The following SPECC1 variants were observed in gnomAD, a reference collection of about 807,000 sequenced individuals.
SPECC1 encodes the protein cytospin-B.
In SPECC1, 62 loss-of-function variants were observed where a neutral mutation model predicts 104.1. That is an observed-to-expected ratio of 0.60 (90% CI 0.49 to 0.74). SPECC1 has a LOEUF of 0.74. Among genes scored for constraint, SPECC1 ranks in the 30% least tolerant of loss-of-function variants. The pLI, the probability that SPECC1 is intolerant of heterozygous loss-of-function variation, is 0.00. For missense variants in SPECC1, 1,306 were observed against 1,310.5 expected, an observed-to-expected ratio of 1.00 and a Z score of 0.05; for synonymous variants, 513 against 501.6, an observed-to-expected ratio of 1.02 and a Z score of -0.30.
At chr17:20,024,988 T>G (rs991992528) in intron 1 of SPECC1, among the ~76,000 whole-genome samples, 1 of 152,252 alleles carries the variant, frequency 6.6e-6, no homozygotes, top group Non-Finnish European at 1.5e-5. Flanking sequence ...ACCCTACTTC[T>G]GTGTGTTCAC....
intron 11 of SPECC1, 34 bp from the exon 12 acceptor site, chr17:20,260,158 C>A (rs373397686): frequency 6.4e-7 from 1 of 1,552,462 alleles, no homozygotes; most frequent in African/African-American, 1.4e-5. Context: ...GTATTAGCAT[C>A]TTCTCCTTAC....
intron 3 of SPECC1, among the ~76,000 whole-genome samples, chr17:20,182,245 C>G (rs1247021476): frequency 6.6e-6 from 1 of 151,796 alleles, no homozygotes; most frequent in Admixed American, 6.6e-5. Context: ...TCCCAAGTAG[C>G]TAGAACTACA....
intron 1 of SPECC1, among the ~76,000 whole-genome samples, chr17:20,093,732 T>G (rs200965000): frequency 2.3e-5 from 1 of 43,468 alleles, no homozygotes; most frequent in African/African-American, 7.4e-5. Context: ...TTTTGTTTTT[T>G]GTTTTTTTTT....
At position 20,057,679 on chromosome 17, in the gene SPECC1, A is replaced by G. The variant is rs2046021885; in HGVS notation, c.-21-38952A>G. The stretch of plus-strand genomic sequence containing the variant: ...TTAATTTTTTTTTTTTTTTGTAGAG[A>G]CAGAGTTTTGCTATGTTGCTCAGGC... On this transcript the variant is annotated intron_variant, in intron 1 of 14. Transcript: ENST00000395527. 2 of 149,512 alleles carry G rather than the reference A, an allele frequency of 1.3e-5. 1 individual carries two copies. Among genetic ancestry groups the G allele is most frequent in the South Asian group, 4.2e-4 (2 of 4,720 alleles). The allele number at this position is 149,512 out of a possible 1,614,324, so 9.3% of individuals were successfully genotyped here.
rs370579370 is a variant in SPECC1 at position 20,313,970 on chromosome 17, C to A, written c.3118-6C>A. On this transcript the variant is annotated splice_polypyrimidine_tract_variant and splice_region_variant and intron_variant, in intron 14 of 14. Transcript: ENST00000395527. ...GTGATCTGTCCCCCATTCCCTTCCC[C>A]TGCAGGAACTCAGCGAGATGCTGTA... 5 of 1,613,904 alleles carry A rather than the reference C, an allele frequency of 3.1e-6. No individual in the cohort carries two copies. Among genetic ancestry groups the A allele is most frequent in the Admixed American group, 1.7e-5 (1 of 60,004 alleles).
Position 20,316,703 on chromosome 17 carries a change from G to GT in SPECC1, c.*2649dup, listed in dbSNP as rs58803620. On this transcript the variant is annotated 3_prime_UTR_variant, in exon 15 of 15. Coordinates refer to ENST00000395527, the MANE Select transcript of SPECC1 (RefSeq NM_001243439.2). ...GTGTTTTTTTTGTTGTTGTTTGTTT[G>GT]TTTTTTTTTTTGAGACAGAGTCTTG... 2.0e-3 allele frequency: 359 copies of GT among 179,900 alleles called. No homozygotes were observed. The highest frequency in any genetic ancestry group is 0.011 in the Middle Eastern group (5 of 460). 11.1% of individuals were successfully genotyped at this position (179,900 alleles called of 1,614,324 possible).
intron 3 of SPECC1, among the ~76,000 whole-genome samples, chr17:20,183,928 TG>T (rs1042000741): frequency 4.0e-5 from 6 of 151,830 alleles, no homozygotes; most frequent in Non-Finnish European, 7.4e-5. Context: ...CCTAGTACTT[TG>T]GGAGGCCGAG....
intron 3 of SPECC1, among the ~76,000 whole-genome samples, chr17:20,197,802 C>T (rs1314674957): frequency 2.0e-5 from 3 of 152,246 alleles, no homozygotes; most frequent in South Asian, 2.1e-4. Context: ...ATTCTAAGCC[C>T]GTGTTTTATC....
chr17:20,249,208 A>G (rs2039532934), intron 9 of SPECC1, among the ~76,000 whole-genome samples: 1 of 152,214 alleles, frequency 6.6e-6, no homozygotes, highest in Non-Finnish European at 1.5e-5. Context: ...TCACGAGGTC[A>G]GGAGTTCGAG....
chr17:20,043,961 G>A (rs984247804), intron 1 of SPECC1, among the ~76,000 whole-genome samples: 4 of 152,134 alleles, frequency 2.6e-5, no homozygotes, highest in African/African-American at 9.7e-5. Context: ...TTGGGAGCCA[G>A]GAGAGTATCT....
intron 3 of SPECC1, among the ~76,000 whole-genome samples, chr17:20,130,834 G>C (rs2049581112): frequency 6.6e-6 from 1 of 152,170 alleles, no homozygotes; most frequent in African/African-American, 2.4e-5. Context: ...TTTTTACTAT[G>C]TTGAATCTCC....
At chr17:20,159,376 A>G (rs1176304485) in intron 3 of SPECC1, among the ~76,000 whole-genome samples, 1 of 152,184 alleles carries the variant, frequency 6.6e-6, no homozygotes, top group African/African-American at 2.4e-5. Flanking sequence ...TTCTTTCTTG[A>G]AAAAGGGATC....
At chr17:20,023,661 T>TA (rs1355357099) in intron 1 of SPECC1, among the ~76,000 whole-genome samples, 1 of 152,076 alleles carries the variant, frequency 6.6e-6, no homozygotes, top group Non-Finnish European at 1.5e-5. Context: ...GGTGAGAGTA[T>TA]AGCTGGAAAG....
At chr17:20,220,192 TA>T (rs908462743) in intron 4 of SPECC1, among the ~76,000 whole-genome samples, 4 of 151,836 alleles carry the variant, frequency 2.6e-5, no homozygotes, top group African/African-American at 4.8e-5. Flanking sequence ...TTTTAGGATT[TA>T]AAAAAAATTA....
At chr17:20,158,347 A>T (rs1266532964) in intron 3 of SPECC1, among the ~76,000 whole-genome samples, 1 of 152,232 alleles carries the variant, frequency 6.6e-6, no homozygotes, top group East Asian at 1.9e-4. Context: ...GACATTTAGA[A>T]TTAAGAATGT....
At chr17:20,129,117 C>T (rs2049469359) in intron 3 of SPECC1, among the ~76,000 whole-genome samples, 2 of 151,840 alleles carry the variant, frequency 1.3e-5, no homozygotes, top group Non-Finnish European at 2.9e-5. Context: ...TGAAGCCATC[C>T]TTCCATCCTG....
intron 1 of SPECC1, among the ~76,000 whole-genome samples, chr17:20,081,595 G>A (rs1475248991): frequency 6.6e-6 from 1 of 152,088 alleles, no homozygotes; most frequent in Non-Finnish European, 1.5e-5. Flanking sequence ...GGTTAGTGTG[G>A]AAAGATTAGC....
At chr17:20,239,918 G>A (rs1487297777) in intron 7 of SPECC1, among the ~76,000 whole-genome samples, 1 of 116,262 alleles carries the variant, frequency 8.6e-6, no homozygotes, top group East Asian at 2.7e-4. Context: ...TTTAAAGACA[G>A]GGCCTCACTC....
intron 4 of SPECC1, among the ~76,000 whole-genome samples, chr17:20,220,663 C>T (rs1170047775): frequency 1.3e-5 from 2 of 150,818 alleles, no homozygotes; most frequent in African/African-American, 4.9e-5. Flanking sequence ...TTTGGATGCC[C>T]TTTATTTCTT....
Sources: gnomAD v4.1 joint callset for allele counts (sites outside exome capture counted in the v4.1 genomes callset) on GRCh38, gnomAD v4.1.1 for gene constraint, MANE v1.5 for transcripts, NCBI Gene and HGNC (gene_info 2026-07-23, HGNC 2026-07-21) for gene names.